LRMDA: variants seen among roughly 807,000 people sequenced by gnomAD.
LRMDA encodes the protein leucine rich melanocyte differentiation associated.
In LRMDA, 18 loss-of-function variants were observed where a neutral mutation model predicts 29.8. The observed-to-expected ratio is 0.60, with a 90% CI of 0.42 to 0.90. The LOEUF is 0.90. Among genes scored for constraint, LRMDA ranks in the 40% least tolerant of loss-of-function variants. LRMDA has a pLI of 0.00. For synonymous variants in LRMDA, 125 were observed against 109.4 expected (o/e 1.14, Z -0.89); for missense variants, 273 against 273.9 (o/e 1.00, Z 0.02).
chr10:76,202,209 A>T (rs1376685260), intron 5 of LRMDA, among the ~76,000 whole-genome samples: 1 of 152,194 alleles, frequency 6.6e-6, no homozygotes, highest in Non-Finnish European at 1.5e-5. Flanking sequence ...ATCACCAGGG[A>T]CACAGATACA....
At chr10:76,166,245 C>T (rs553359399) in intron 5 of LRMDA, among the ~76,000 whole-genome samples, 3 of 152,300 alleles carry the variant, frequency 2.0e-5, no homozygotes, top group Non-Finnish European at 4.4e-5. Flanking sequence ...CAAAGGCCTC[C>T]TTTTGGACAT....
chr10:76,227,470 T>C (rs887331831), intron 5 of LRMDA, among the ~76,000 whole-genome samples: 3 of 152,226 alleles, frequency 2.0e-5, no homozygotes, highest in East Asian at 3.8e-4. Flanking sequence ...CTGTAATTTT[T>C]CCATCAGTGG....
chr10:76,373,004 C>T (rs1841473277), intron 6 of LRMDA, among the ~76,000 whole-genome samples: 1 of 152,132 alleles, frequency 6.6e-6, no homozygotes, highest in Admixed American at 6.5e-5. Flanking sequence ...TCCAGCTCTT[C>T]AGGTGCTCAT....
intron 6 of LRMDA, among the ~76,000 whole-genome samples, chr10:76,446,313 T>C (rs548169839): frequency 4.4e-4 from 67 of 152,318 alleles, no homozygotes; most frequent in African/African-American, 1.5e-3. Flanking sequence ...ATTTTTGCTA[T>C]TGTGAGCAAA....
chr10:76,298,095 A>C (rs1281985485), intron 5 of LRMDA, among the ~76,000 whole-genome samples: 1 of 152,238 alleles, frequency 6.6e-6, no homozygotes, highest in Admixed American at 6.5e-5. Context: ...CCCACCATGC[A>C]TGCCTTGCGA....
intron 2 of LRMDA, among the ~76,000 whole-genome samples, chr10:75,628,765 C>T (rs1303355357): frequency 6.6e-6 from 1 of 152,136 alleles, no homozygotes; most frequent in African/African-American, 2.4e-5. Flanking sequence ...GCATAGTCAC[C>T]CATTAGAACT....
chr10:76,206,583 T>A lies in LRMDA; in HGVS notation c.517-117818T>A, dbSNP rs1851541006. Among the ~76,000 whole-genome samples, 3 of 152,260 alleles carry A rather than the reference T, an allele frequency of 2.0e-5. No individual in the cohort carries two copies. The South Asian group carries it at 6.2e-4, about 32-fold the overall frequency. ...TTGCATGGCTGCATGAAAATACAGG[T>A]GAACTGGCTGTGAATGCCTTTTGTG... On this transcript the variant is annotated intron_variant, in intron 5 of 6. Transcript: ENST00000611255.
At chr10:75,886,885 C>T (rs887290064) in intron 2 of LRMDA, among the ~76,000 whole-genome samples, 3 of 152,100 alleles carry the variant, frequency 2.0e-5, no homozygotes, top group Admixed American at 6.6e-5. Context: ...GGGACTAAAT[C>T]GTCAGGGCCC....
Position 75,604,143 on chromosome 10 carries a change from CT to C in LRMDA, c.131+165658del, listed in dbSNP as rs201996741. On this transcript the variant is annotated intron_variant, in intron 2 of 6. Coordinates refer to ENST00000611255, the MANE Select transcript of LRMDA (RefSeq NM_001305581.2). ...CTTAAAATTCAATCAGTTAACCATT[CT>C]TTTTTTTTGTTTGCAATTTGGATTT... 2.8e-3 allele frequency among the ~76,000 whole-genome samples: 422 copies of C among 151,528 alleles called. 1 individual carries two copies. Among genetic ancestry groups the C allele is most frequent in the African/African-American group, 9.7e-3 (402 of 41,322 alleles).
chr10:75,722,140 G>A (rs571031177), intron 2 of LRMDA, among the ~76,000 whole-genome samples: 1 of 152,198 alleles, frequency 6.6e-6, no homozygotes, highest in South Asian at 2.1e-4. Context: ...TAACAAATGG[G>A]TATCAGTGGC....
intron 4 of LRMDA, among the ~76,000 whole-genome samples, chr10:76,052,440 G>GA (rs1848545300): frequency 6.6e-6 from 1 of 151,832 alleles, no homozygotes; most frequent in Admixed American, 6.5e-5. Flanking sequence ...GCCCTGGGGG[G>GA]AGCAGCCATT....
intron 2 of LRMDA, among the ~76,000 whole-genome samples, chr10:75,928,287 G>T (rs201461393): frequency 6.8e-6 from 1 of 146,874 alleles, no homozygotes; most frequent in African/African-American, 2.5e-5. Flanking sequence ...TTAGTTTTGG[G>T]TTTTTTTTTT....
At chr10:75,766,988 G>A (rs1276159912) in intron 2 of LRMDA, among the ~76,000 whole-genome samples, 1 of 152,032 alleles carries the variant, frequency 6.6e-6, no homozygotes, top group African/African-American at 2.4e-5. Context: ...CTTTTTTATG[G>A]CTGTATAATA....
At chr10:76,081,326 T>G (rs1229222401) in intron 5 of LRMDA, among the ~76,000 whole-genome samples, 1 of 152,072 alleles carries the variant, frequency 6.6e-6, no homozygotes, top group Non-Finnish European at 1.5e-5. Flanking sequence ...ATACAAAAAT[T>G]AGCCGGGTGT....
intron 6 of LRMDA, among the ~76,000 whole-genome samples, chr10:76,336,353 G>A (rs1227669332): frequency 6.6e-6 from 1 of 152,204 alleles, no homozygotes; most frequent in Non-Finnish European, 1.5e-5. Flanking sequence ...AACTTCAGTT[G>A]CCAGAGGAGT....
intron 2 of LRMDA, among the ~76,000 whole-genome samples, chr10:75,607,021 G>A (rs531878971): frequency 1.3e-5 from 2 of 152,300 alleles, no homozygotes; most frequent in South Asian, 4.2e-4. Context: ...GATTAGTGAA[G>A]CCCAAATGAT....
intron 2 of LRMDA, among the ~76,000 whole-genome samples, chr10:75,775,996 T>C (rs1313839821): frequency 6.6e-6 from 1 of 152,172 alleles, no homozygotes; most frequent in Non-Finnish European, 1.5e-5. Flanking sequence ...TTGAGGAGTT[T>C]AGTTAGCAAA....
chr10:75,692,733 G>C (rs1279556063), intron 2 of LRMDA, among the ~76,000 whole-genome samples: 1 of 151,958 alleles, frequency 6.6e-6, no homozygotes, highest in Non-Finnish European at 1.5e-5. Context: ...TTGTTTCACT[G>C]TCTGAGGTTG....
intron 6 of LRMDA, among the ~76,000 whole-genome samples, chr10:76,418,038 A>G (rs1408372588): frequency 3.3e-5 from 5 of 152,144 alleles, no homozygotes; most frequent in Admixed American, 2.0e-4. Flanking sequence ...TTATCTGTCA[A>G]TGACTACAGT....
Sources: gnomAD v4.1 joint callset for allele counts (sites outside exome capture counted in the v4.1 genomes callset) on GRCh38, gnomAD v4.1.1 for gene constraint, MANE v1.5 for transcripts, NCBI Gene and HGNC (gene_info 2026-07-23, HGNC 2026-07-21) for gene names.